The following INTS3 variants were observed in gnomAD, a reference collection of about 807,000 sequenced individuals.
INTS3 encodes the protein integrator complex subunit 3.
In INTS3, 34 loss-of-function variants were observed where a neutral mutation model predicts 146.3. The ratio of observed to expected loss-of-function variants is 0.23; its 90% confidence interval spans 0.18 to 0.31. INTS3 has a LOEUF of 0.31. INTS3 is among the 10% of genes least tolerant of loss of function. The probability of loss-of-function intolerance (pLI) is 1.00; values close to 1 mark genes in which losing one functional copy is unlikely to be tolerated. For missense variants in INTS3, 757 were observed against 1,304.2 expected, an observed-to-expected ratio of 0.58 and a Z score of 6.46; for synonymous variants, 475 against 494.9, an observed-to-expected ratio of 0.96 and a Z score of 0.53.
At position 153,771,892 on chromosome 1, in the gene INTS3, T is replaced by G; in HGVS notation, c.2649T>G (p.His883Gln). 1 of 1,614,074 alleles carries G rather than the reference T, an allele frequency of 6.2e-7. No individual in the cohort carries two copies. Among genetic ancestry groups the G allele is most frequent in the Non-Finnish European group, 8.5e-7 (1 of 1,180,002 alleles). The change falls in exon 26 of 30, where the codon CAT becomes CAG. Residue 883 changes from histidine to glutamine, a missense_variant. Physicochemically the swap from His to Gln is conservative, Grantham distance 24 (BLOSUM62 0). Around this residue, in one of 8 missense-constraint regions of INTS3, gnomAD observed 116 missense variants for 226.5 expected, o/e 0.51. Transcript: ENST00000318967. ...TSILRHWCMKHDELLAEHIKS... is the reference protein window; with the variant it reads ...TSILRHWCMKQDELLAEHIKS... ...TCCTGCGGCACTGGTGCATGAAACA[T>G]GACGAGCTGCTGGCCGAGCACATCA...
intron 6 of INTS3, among the ~76,000 whole-genome samples, chr1:153,749,098 C>T (rs1355425966): frequency 1.3e-5 from 2 of 152,172 alleles, no homozygotes; most frequent in Non-Finnish European, 2.9e-5. Flanking sequence ...CAAACACCCA[C>T]GCCTGGCAGG....
chr1:153,751,282 G>A (rs1391457151), intron 7 of INTS3, 43 bp downstream of exon 7: 12 of 1,602,992 alleles, frequency 7.5e-6, no homozygotes, highest in Non-Finnish European at 1.0e-5. Flanking sequence ...GTGAGACTCA[G>A]GCTAAGATAC....
chr1:153,758,193 T>G (rs1672233326), intron 10 of INTS3, among the ~76,000 whole-genome samples: 1 of 152,236 alleles, frequency 6.6e-6, no homozygotes, highest in Non-Finnish European at 1.5e-5. Flanking sequence ...GTGGAGGCAT[T>G]TCCTTTCAAA....
chr1:153,730,289 A>C (rs536984107), intron 1 of INTS3, among the ~76,000 whole-genome samples: 1 of 152,300 alleles, frequency 6.6e-6, no homozygotes, highest in South Asian at 2.1e-4. Context: ...AGGTAGATAT[A>C]ATTATGAATG....
At position 153,747,308 on chromosome 1, in the gene INTS3, G is replaced by T. The variant is rs767910669; in HGVS notation, c.462G>T (p.Lys154Asn). The T allele has an allele frequency of 6.2e-7, 1 of 1,614,184 alleles. No individual in the cohort carries two copies. ...QLVWLVRELV[K>N]SGVLGADGVC... The stretch of plus-strand genomic sequence containing the variant: ...TGTGGTTGGTACGGGAACTGGTGAA[G>T]AGTGGGGTTCTGGGAGCCGATGGTG... Residue 154 changes from lysine to asparagine, a missense_variant, in exon 5 of 30, where the codon AAG becomes AAT. Physicochemically the swap from Lys to Asn is moderately conservative, Grantham distance 94. Transcript: ENST00000318967.
intron 15 of INTS3, 150 bp from the exon 16 acceptor site, chr1:153,763,083 C>A: frequency 9.0e-7 from 1 of 1,110,782 alleles, no homozygotes; most frequent in Non-Finnish European, 1.3e-6. Context: ...TACATGTGCA[C>A]AGTCAGGGAG....
chr1:153,774,009 T>G lies in INTS3; in HGVS notation c.*739T>G, dbSNP rs546943575. Reference sequence around the variant, plus strand: ...CTGTTTTTTTTTTTGTTTTTTTTTGTTTTTTTTTTGGCAGAGATAATCGTG... The same window carrying G: ...CTGTTTTTTTTTTTGTTTTTTTTTGGTTTTTTTTTGGCAGAGATAATCGTG... On this transcript the variant is annotated 3_prime_UTR_variant, in exon 30 of 30. Transcript: ENST00000318967. 94 of 158,902 alleles carry G rather than the reference T, an allele frequency of 5.9e-4. No homozygotes were observed. The highest frequency in any genetic ancestry group is 1.9e-3 in the African/African-American group (73 of 38,750). 9.8% of individuals were successfully genotyped at this position (158,902 alleles called of 1,614,324 possible).
Position 153,728,108 on chromosome 1 carries a change from G to A in INTS3, c.-527G>A. The A allele has an allele frequency of 2.6e-6, 1 of 390,446 alleles. No homozygotes were observed. Among genetic ancestry groups the A allele is most frequent in the South Asian group, 1.3e-4 (1 of 7,728 alleles). 24.2% of individuals were successfully genotyped at this position (390,446 alleles called of 1,614,324 possible). On this transcript the variant is annotated 5_prime_UTR_variant, in exon 1 of 30. Transcript: ENST00000318967. ...CTTCTGTGTGGTGTGGGGAGACGCTGGTCCTCCCCGTCCTCCCATAGCGCT... is the reference window on the plus strand; with the variant it reads ...CTTCTGTGTGGTGTGGGGAGACGCTAGTCCTCCCCGTCCTCCCATAGCGCT...
chr1:153,733,898 C>G (rs1451347307), intron 1 of INTS3, among the ~76,000 whole-genome samples: 1 of 152,192 alleles, frequency 6.6e-6, no homozygotes, highest in Non-Finnish European at 1.5e-5. Context: ...CCACCACACC[C>G]AGCCACTGTA....
chr1:153,763,654 C>A (rs1672471777), intron 16 of INTS3, among the ~76,000 whole-genome samples, 178 bp from the exon 17 acceptor site: 1 of 152,222 alleles, frequency 6.6e-6, no homozygotes, highest in South Asian at 2.1e-4. Context: ...CTTTGGGCCT[C>A]TGCCCAGAGA....
chr1:153,765,638 C>G (rs1294396427), intron 20 of INTS3, among the ~76,000 whole-genome samples: 3 of 151,728 alleles, frequency 2.0e-5, no homozygotes, highest in African/African-American at 7.3e-5. Context: ...GGTACAATCT[C>G]AGCTCACTGC....
intron 24 of INTS3, 70 bp downstream of exon 24, chr1:153,770,381 C>A: frequency 1.0e-6 from 1 of 985,396 alleles, no homozygotes; most frequent in Non-Finnish European, 1.6e-6. Context: ...AAGGCTGAGG[C>A]CTCTAGGCTT....
intron 8 of INTS3, among the ~76,000 whole-genome samples, chr1:153,752,970 CTG>C (rs1221109749): frequency 2.0e-5 from 3 of 151,944 alleles, no homozygotes; most frequent in African/African-American, 7.3e-5. Flanking sequence ...TGAACAATAA[CTG>C]TACAGCTTTG....
Position 153,748,769 on chromosome 1 carries a change from C to G in INTS3, c.584+14C>G, listed in dbSNP as rs138135327. 1.2e-6 allele frequency: 2 copies of G among 1,606,248 alleles called. No homozygotes were observed. Among genetic ancestry groups the G allele is most frequent in the East Asian group, 4.5e-5 (2 of 44,860 alleles). On this transcript the variant is annotated intron_variant, in intron 6 of 29. Coordinates refer to ENST00000318967, the MANE Select transcript of INTS3 (RefSeq NM_023015.5). ...GACAGAGCAAAGGTAGCATCCACCA[C>G]GAAGGGTGGGGTACAGGCCAGATAA...
At position 153,751,177 on chromosome 1, in the gene INTS3, G is replaced by A; in HGVS notation, c.667G>A (p.Ala223Thr). ...CCTCATCGTGGACCACCATGGGACT[G>A]CCCAGCTCCAGGCCCTGCGACAGAA... ...LRLIVDHHGT[A>T]QLQALRQKEV... Residue 223 changes from alanine (A) to threonine (T), a missense_variant, in exon 7 of 30, where the codon GCC becomes ACC. Physicochemically the swap from Ala to Thr is moderately conservative, Grantham distance 58. This residue lies in a region of INTS3 where 134 missense variants were observed against 243.1 expected (regional missense o/e 0.55). Coordinates refer to ENST00000318967, the MANE Select transcript of INTS3 (RefSeq NM_023015.5). 6.2e-7 allele frequency: 1 copy of A among 1,614,178 alleles called. No individual in the cohort carries two copies. The highest frequency in any genetic ancestry group is 8.5e-7 in the Non-Finnish European group (1 of 1,180,026).
At chr1:153,741,408 T>C (rs1421328850) in intron 3 of INTS3, 40 bp downstream of exon 3, 5 of 1,405,822 alleles carry the variant, frequency 3.6e-6, no homozygotes, top group African/African-American at 2.8e-5. Context: ...CCTCCTCATA[T>C]ATGATCTGGG....
At position 153,728,154 on chromosome 1, in the gene INTS3, C is replaced by A; in HGVS notation, c.-481C>A. ...GCGCTTATTGCCTCACCCTCACCCC[C>A]TAGGGGCCGGATCCAAAGGCGCTGC... On this transcript the variant is annotated 5_prime_UTR_variant, in exon 1 of 30. Coordinates refer to ENST00000318967, the MANE Select transcript of INTS3 (RefSeq NM_023015.5). 1 of 398,000 alleles carries A rather than the reference C, an allele frequency of 2.5e-6. No individual in the cohort carries two copies. The highest frequency in any genetic ancestry group is 4.4e-6 in the Non-Finnish European group (1 of 225,748). The allele number at this position is 398,000 out of a possible 1,614,324, so 24.7% of individuals were successfully genotyped here. A position where few individuals can be genotyped will look rare whatever the true frequency, so the allele number is the denominator to read the frequency against.
intron 25 of INTS3, among the ~76,000 whole-genome samples, chr1:153,770,980 C>G (rs1440104029): frequency 6.6e-6 from 1 of 152,138 alleles, no homozygotes; most frequent in Non-Finnish European, 1.5e-5. Context: ...GACCGGACAT[C>G]CCTGTTTCCT....
intron 15 of INTS3, 22 bp downstream of exon 15, chr1:153,762,869 A>G: frequency 6.2e-7 from 1 of 1,613,212 alleles, no homozygotes; most frequent in South Asian, 1.1e-5. Flanking sequence ...AGCAAGGGCT[A>G]GTTCAGGGTT....
Sources: allele counts gnomAD v4.1 joint callset (sites outside exome capture counted in the v4.1 genomes callset), GRCh38; gene constraint gnomAD v4.1.1; regional missense constraint gnomAD v4.1.1; transcripts MANE v1.5; gene names NCBI Gene and HGNC (gene_info 2026-07-23, HGNC 2026-07-21).